Variants in SSBP3 observed in about 807,000 individuals in gnomAD.
SSBP3 encodes the protein single stranded DNA binding protein 3.
In SSBP3, 5 loss-of-function variants were observed where a neutral mutation model predicts 69.6. The ratio of observed to expected loss-of-function variants is 0.07; its 90% CI spans 0.04 to 0.15. SSBP3 has a LOEUF of 0.15. Among genes scored for constraint, SSBP3 ranks in the 10% least tolerant of loss-of-function variants. The pLI is 1.00. For missense variants in SSBP3, 312 were observed against 534.0 expected (o/e 0.58, Z 4.10); for synonymous variants, 196 against 193.4 (o/e 1.01, Z -0.11).
intron 14 of SSBP3, chr1:54,237,965 C>G (rs1220570758): frequency 2.7e-6 from 1 of 366,242 alleles, no homozygotes; most frequent in African/African-American, 2.1e-5. Context: ...TCCGATGCTA[C>G]AAATGGTGCT....
At chr1:54,316,672 ATAAATAAAT>A (rs1646114519) in intron 4 of SSBP3, among the ~76,000 whole-genome samples, 12 of 89,890 alleles carry the variant, frequency 1.3e-4, no homozygotes, top group African/African-American at 2.6e-4. Context: ...AAATAAATAA[ATAAATAAAT>A]AAATAAATAA....
At position 54,261,099 on chromosome 1, in the gene SSBP3, C is replaced by T. The variant is rs555265149; in HGVS notation, c.367-2950G>A. 1.1e-4 allele frequency among the ~76,000 whole-genome samples: 17 copies of T among 152,346 alleles called. No individual in the cohort carries two copies. In the East Asian group the frequency reaches 2.5e-3, roughly 23 times the overall value. On this transcript the variant is annotated intron_variant, in intron 5 of 17. Coordinates refer to ENST00000610401, the Ensembl canonical transcript of SSBP3. ...GCTACCTCCACTCAGCCCGGAGCTC[C>T]GTCACTACGTTCCCTGTGTCTAGGC...
intron 7 of SSBP3, among the ~76,000 whole-genome samples, chr1:54,256,735 C>T (rs1644928422): frequency 6.6e-6 from 1 of 152,210 alleles, no homozygotes; most frequent in East Asian, 1.9e-4. Context: ...TCAAAAGCTT[C>T]CAGGAAAAAA....
upstream of SSBP3, among the ~76,000 whole-genome samples, chr1:54,410,841 G>A (rs531141033): frequency 1.8e-4 from 28 of 152,318 alleles, no homozygotes; most frequent in African/African-American, 6.5e-4. Context: ...AGTCAGTGTT[G>A]GCTGAGCCCA....
chr1:54,322,433 G>C (rs527880032), intron 4 of SSBP3, among the ~76,000 whole-genome samples: 3 of 152,240 alleles, frequency 2.0e-5, no homozygotes, highest in African/African-American at 7.2e-5. Flanking sequence ...CCACACATCA[G>C]AACTTTTTGG....
intron 4 of SSBP3, among the ~76,000 whole-genome samples, chr1:54,306,017 G>A (rs1046916646): frequency 5.3e-5 from 8 of 151,314 alleles, no homozygotes; most frequent in Non-Finnish European, 7.4e-5. Context: ...CACATTCCTC[G>A]GTAGCCCTTC....
chr1:54,251,943 T>G, intron 7 of SSBP3, 83 bp from the exon 8 acceptor site: 1 of 1,190,908 alleles, frequency 8.4e-7, no homozygotes, highest in Non-Finnish European at 1.2e-6. Context: ...TCCCACCCAG[T>G]GCCCCGTGTG....
chr1:54,307,800 G>A (rs552866208), intron 4 of SSBP3, among the ~76,000 whole-genome samples: 110 of 148,118 alleles, frequency 7.4e-4, no homozygotes, highest in African/African-American at 1.8e-3. Context: ...CAATGGCAAC[G>A]TCAGCAAGTT....
At chr1:54,295,085 C>G (rs1481210168) in intron 4 of SSBP3, among the ~76,000 whole-genome samples, 1 of 152,086 alleles carries the variant, frequency 6.6e-6, no homozygotes, top group Non-Finnish European at 1.5e-5. Flanking sequence ...GAATCCATCA[C>G]CCCCAGCCTC....
chr1:54,371,086 G>C (rs549744789), intron 4 of SSBP3, among the ~76,000 whole-genome samples: 2 of 152,196 alleles, frequency 1.3e-5, no homozygotes, highest in Non-Finnish European at 2.9e-5. Flanking sequence ...CCACCCAAGG[G>C]GGGGTATGCT....
intron 5 of SSBP3, among the ~76,000 whole-genome samples, chr1:54,273,687 C>A (rs1037347524): frequency 4.6e-5 from 7 of 152,232 alleles, no homozygotes; most frequent in African/African-American, 1.7e-4. Context: ...GCCAGCACCC[C>A]CCACTGGACA....
At chr1:54,275,066 G>A (rs1007713985) in intron 5 of SSBP3, among the ~76,000 whole-genome samples, 8 of 152,266 alleles carry the variant, frequency 5.3e-5, no homozygotes, top group Admixed American at 1.3e-4. Flanking sequence ...CCTCTCCAGC[G>A]TGGCACTCAG....
chr1:54,338,577 A>G (rs1201895159), intron 4 of SSBP3, among the ~76,000 whole-genome samples: 1 of 152,104 alleles, frequency 6.6e-6, no homozygotes, highest in Non-Finnish European at 1.5e-5. Context: ...CTCTGCGTCC[A>G]TTTGCCTTTA....
intron 9 of SSBP3, among the ~76,000 whole-genome samples, chr1:54,248,104 G>A (rs915930386): frequency 6.6e-6 from 1 of 152,176 alleles, no homozygotes; most frequent in Non-Finnish European, 1.5e-5. Context: ...GACCGACCAC[G>A]CTGTACCTAT....
intron 4 of SSBP3, among the ~76,000 whole-genome samples, chr1:54,367,065 T>C (rs1557568558): frequency 6.6e-6 from 1 of 152,222 alleles, no homozygotes; most frequent in Non-Finnish European, 1.5e-5. Flanking sequence ...TGCAAAGATC[T>C]GATACAGTGC....
At chr1:54,309,947 G>T (rs1158127400) in intron 4 of SSBP3, among the ~76,000 whole-genome samples, 4 of 152,150 alleles carry the variant, frequency 2.6e-5, no homozygotes, top group African/African-American at 9.7e-5. Context: ...GGGAAGGGGT[G>T]GGGGGAGCAC....
intron 14 of SSBP3, among the ~76,000 whole-genome samples, chr1:54,229,742 T>C (rs1644350111): frequency 6.6e-6 from 1 of 152,016 alleles, no homozygotes; most frequent in African/African-American, 2.4e-5. Flanking sequence ...TGCATCTGCA[T>C]CGAGTGGGAA....
chr1:54,385,789 G>A (rs1322588087), intron 4 of SSBP3, among the ~76,000 whole-genome samples: 1 of 152,094 alleles, frequency 6.6e-6, no homozygotes. Context: ...TACAGATAAG[G>A]ACACTGAGGC....
chr1:54,242,334 C>G (rs372512073), intron 10 of SSBP3, 122 bp from the exon 11 acceptor site: 73 of 1,104,396 alleles, frequency 6.6e-5, no homozygotes, highest in Non-Finnish European at 1.2e-5. Context: ...TACAGCCCTG[C>G]GGTTTAGAGC....
Sources: allele counts gnomAD v4.1 joint callset (sites outside exome capture counted in the v4.1 genomes callset), GRCh38; gene constraint gnomAD v4.1.1; transcripts MANE v1.5; gene names NCBI Gene and HGNC (gene_info 2026-07-23, HGNC 2026-07-21).